Variants in MOSMO observed in about 807,000 individuals in gnomAD.
The protein encoded by MOSMO is modulator of smoothened protein.
A neutral mutation model predicts 18.4 loss-of-function variants in MOSMO; 5 were observed. The ratio of observed to expected loss-of-function variants is 0.27; its 90% CI spans 0.14 to 0.57. The LOEUF (loss-of-function observed/expected upper bound fraction) is 0.57, where lower values mean the gene tolerates loss of function less well. MOSMO is among the 20% of genes least tolerant of loss of function. The probability of loss-of-function intolerance (pLI) is 0.92; values close to 1 mark genes in which losing one functional copy is unlikely to be tolerated. For synonymous variants in MOSMO, 82 were observed against 82.3 expected (o/e 1.00, Z 0.02); for missense variants, 138 against 211.8 (o/e 0.65, Z 2.16).
chr16:22,022,344 G>C (rs1390276212), intron 1 of MOSMO, among the ~76,000 whole-genome samples: 1 of 152,086 alleles, frequency 6.6e-6, no homozygotes, highest in African/African-American at 2.4e-5. Flanking sequence ...CTTTCACGAT[G>C]TACATTCTAA....
chr16:22,068,038 G>A (rs1299920097), intron 1 of MOSMO, among the ~76,000 whole-genome samples: 2 of 152,204 alleles, frequency 1.3e-5, no homozygotes, highest in Non-Finnish European at 1.5e-5. Flanking sequence ...ATACTAAAGT[G>A]TGTCCACAGG....
rs34532029 is a variant in MOSMO, at chr16:22,050,887, G to GAAAAAAAA, written c.107-24589_107-24582dup. 5.2e-4 allele frequency among the ~76,000 whole-genome samples: 37 copies of GAAAAAAAA among 70,480 alleles called. 1 individual carries two copies. The highest frequency in any genetic ancestry group is 8.9e-3 in the Middle Eastern group (1 of 112). The allele number at this position is 70,480 out of a possible 152,430, so 46.2% of individuals were successfully genotyped here. On this transcript the variant is annotated intron_variant, in intron 1 of 2. Coordinates refer to ENST00000542527, the MANE Select transcript of MOSMO (RefSeq NM_001164579.2). ...GACAAAGTGAGACTCTGTCTCTTAAGAAAAAAAAAAAAAAAAAAGTGAATG... is the reference window on the plus strand; with the variant it reads ...GACAAAGTGAGACTCTGTCTCTTAAGAAAAAAAAAAAAAAAAAAAAAAAAAAGTGAATG...
Position 22,083,970 on chromosome 16 carries a change from T to C in MOSMO, c.*3090T>C. The C allele has an allele frequency of 3.6e-6, 1 of 279,736 alleles. No individual in the cohort carries two copies. Among genetic ancestry groups the C allele is most frequent in the South Asian group, 3.5e-5 (1 of 28,798 alleles). 17.3% of individuals were successfully genotyped at this position (279,736 alleles called of 1,614,324 possible). A position where few individuals can be genotyped will look rare whatever the true frequency, so the allele number is the denominator to read the frequency against. ...TTTCATTTGTTTTGTTTTTGAAGGA[T>C]GGCTCTTTTTTCTTTTTAATGTTCT... On this transcript the variant is annotated 3_prime_UTR_variant, in exon 3 of 3. Transcript: ENST00000542527.
In MOSMO at chr16:22,075,049, A is replaced by G. The variant is rs143762197; in HGVS notation, c.107-438A>G. On this transcript the variant is annotated intron_variant, in intron 1 of 2. Coordinates refer to ENST00000542527, the MANE Select transcript of MOSMO (RefSeq NM_001164579.2). Reference sequence around the variant, plus strand: ...CAGGTTTGTCTTCAATTTCCTGAAAAGTGATTTTCTTTTCAGCCAAAATGA... The same window carrying G: ...CAGGTTTGTCTTCAATTTCCTGAAAGGTGATTTTCTTTTCAGCCAAAATGA... 5.4e-3 allele frequency among the ~76,000 whole-genome samples: 827 copies of G among 152,210 alleles called. 8 individuals carry two copies. Among genetic ancestry groups the G allele is most frequent in the Non-Finnish European group, 8.6e-3 (584 of 68,004 alleles).
chr16:22,028,602 A>G (rs1229818312), intron 1 of MOSMO, among the ~76,000 whole-genome samples: 2 of 152,170 alleles, frequency 1.3e-5, no homozygotes, highest in East Asian at 1.9e-4. Context: ...TAAACATCTG[A>G]TGGGTGTTTA....
chr16:22,032,450 C>T (rs1307697750), intron 1 of MOSMO, among the ~76,000 whole-genome samples: 1 of 152,180 alleles, frequency 6.6e-6, no homozygotes, highest in African/African-American at 2.4e-5. Flanking sequence ...CCTTGGCCTC[C>T]CAAAGTGCTG....
chr16:22,031,068 G>A (rs1899984103), intron 1 of MOSMO, among the ~76,000 whole-genome samples: 1 of 152,192 alleles, frequency 6.6e-6, no homozygotes, highest in Non-Finnish European at 1.5e-5. Context: ...CATATTAGAT[G>A]TGCCTCTAAC....
At chr16:22,026,367 TGCTACCAAGCCCA>T (rs1899877226) in intron 1 of MOSMO, among the ~76,000 whole-genome samples, 1 of 151,894 alleles carries the variant, frequency 6.6e-6, no homozygotes, top group South Asian at 2.1e-4. Flanking sequence ...GACAGGCACG[TGCTACCAAGCCCA>T]GCTAATTTTT....
intron 1 of MOSMO, among the ~76,000 whole-genome samples, chr16:22,009,685 G>A (rs1252521409): frequency 6.6e-6 from 1 of 151,684 alleles, no homozygotes; most frequent in African/African-American, 2.4e-5. Context: ...ATGCGGCCGG[G>A]CGCGGTGGCT....
intron 1 of MOSMO, among the ~76,000 whole-genome samples, chr16:22,008,675 C>A (rs1036297728): frequency 2.0e-5 from 3 of 150,856 alleles, no homozygotes; most frequent in African/African-American, 7.3e-5. Flanking sequence ...GCTGGCAAGT[C>A]CCGGACCGGG....
rs188979665 is a variant in MOSMO at position 22,021,918 on chromosome 16, G to T, written c.106+13511G>T. ...GGCCTCGGAGCTATAGCTTTTTCAT[G>T]TATAAATGGGGATAATACTTCTTAC... is the stretch of plus-strand genomic sequence containing the variant. On this transcript the variant is annotated intron_variant, in intron 1 of 2. Coordinates refer to ENST00000542527, the MANE Select transcript of MOSMO (RefSeq NM_001164579.2). Among the ~76,000 whole-genome samples the T allele has an allele frequency of 5.7e-4, 87 of 152,232 alleles. No individual in the cohort carries two copies. In the Middle Eastern group the frequency reaches 0.01, roughly 18 times the overall value.
chr16:22,035,589 G>T (rs915441860), intron 1 of MOSMO, among the ~76,000 whole-genome samples: 1 of 152,074 alleles, frequency 6.6e-6, no homozygotes, highest in African/African-American at 2.4e-5. Flanking sequence ...TCAGGTTTCT[G>T]TGGAGGTTTT....
intron 1 of MOSMO, among the ~76,000 whole-genome samples, chr16:22,074,117 C>T (rs144493918): frequency 2.0e-5 from 3 of 152,324 alleles, no homozygotes; most frequent in East Asian, 3.9e-4. Flanking sequence ...CACACGTGCA[C>T]GTGCACACAC....
intron 1 of MOSMO, among the ~76,000 whole-genome samples, chr16:22,020,240 T>C (rs1899729409): frequency 6.7e-6 from 1 of 149,408 alleles, no homozygotes; most frequent in South Asian, 2.1e-4. Context: ...TATCAGTTGG[T>C]TTTTATTTAG....
chr16:22,034,983 C>T (rs2141998263), intron 1 of MOSMO, among the ~76,000 whole-genome samples: 1 of 152,148 alleles, frequency 6.6e-6, no homozygotes, highest in Non-Finnish European at 1.5e-5. Flanking sequence ...ATCCATCCTC[C>T]TTGACCTCCC....
intron 1 of MOSMO, among the ~76,000 whole-genome samples, chr16:22,064,626 T>C (rs1246524477): frequency 1.3e-5 from 2 of 152,380 alleles, no homozygotes; most frequent in African/African-American, 2.4e-5. Context: ...CTTAAATTCA[T>C]ACATGATTGA....
At chr16:22,013,812 T>G (rs1331609721) in intron 1 of MOSMO, among the ~76,000 whole-genome samples, 1 of 151,918 alleles carries the variant, frequency 6.6e-6, no homozygotes, top group African/African-American at 2.4e-5. Flanking sequence ...TTAAGGTTAG[T>G]GTATTCATTT....
At chr16:22,034,863 T>C (rs1483025549) in intron 1 of MOSMO, among the ~76,000 whole-genome samples, 1 of 148,808 alleles carries the variant, frequency 6.7e-6, no homozygotes, top group Non-Finnish European at 1.5e-5. Context: ...CCCAGGTAGC[T>C]GAGACTACAG....
intron 1 of MOSMO, among the ~76,000 whole-genome samples, chr16:22,024,054 T>C (rs948464556): frequency 6.8e-6 from 1 of 146,718 alleles, no homozygotes; most frequent in Non-Finnish European, 1.5e-5. Flanking sequence ...AAAAGGACTA[T>C]AACACTATTT....
Sources: gnomAD v4.1 joint callset for allele counts (sites outside exome capture counted in the v4.1 genomes callset) on GRCh38, gnomAD v4.1.1 for gene constraint, MANE v1.5 for transcripts, NCBI Gene and HGNC (gene_info 2026-07-23, HGNC 2026-07-21) for gene names.